The following CDK13 variants were observed in gnomAD, a reference collection of about 807,000 sequenced individuals.
CDK13 encodes cyclin-dependent kinase 13.
In CDK13, 40 loss-of-function variants were observed where a neutral mutation model predicts 137.6. The observed-to-expected ratio is 0.29, with a 90% confidence interval of 0.23 to 0.38. The LOEUF (loss-of-function observed/expected upper bound fraction) is 0.38. Ranked by LOEUF, CDK13 falls within the 10% of genes least tolerant of loss-of-function variation. The probability of loss-of-function intolerance (pLI) is 1.00; values close to 1 mark genes in which losing one functional copy is unlikely to be tolerated. For synonymous variants in CDK13, 869 were observed against 760.1 expected (o/e 1.14, Z -2.36); for missense variants, 1,704 against 1,951.8 (o/e 0.87, Z 2.39).
intron 4 of CDK13, among the ~76,000 whole-genome samples, chr7:40,000,654 A>G (rs1317072942): frequency 6.6e-6 from 1 of 152,256 alleles, no homozygotes; most frequent in African/African-American, 2.4e-5. Flanking sequence ...TAGAGTAATA[A>G]TTGGTGTTTA....
At chr7:39,992,166 GTGTGTGTGTGT>G (rs1784474471) in intron 2 of CDK13, among the ~76,000 whole-genome samples, 24 of 47,180 alleles carry the variant, frequency 5.1e-4, no homozygotes, top group African/African-American at 7.7e-4. Context: ...TAATGAGGGT[GTGTGTGTGTGT>G]GTGTGTGTGT....
rs78911572 is a variant in CDK13 at position 40,028,058 on chromosome 7, A to G, written c.2354-17778A>G. On this transcript the variant is annotated intron_variant, in intron 5 of 13. Transcript: ENST00000181839. ...CATTGGGTTTTCTGTCACTTGCAAG[A>G]GTGACATTCCAAGTAAATAAGTATG... is the stretch of plus-strand genomic sequence containing the variant. 3.2e-4 allele frequency among the ~76,000 whole-genome samples: 48 copies of G among 150,500 alleles called. No homozygotes were observed. In the East Asian group the frequency reaches 9.2e-3, roughly 29 times the overall value.
intron 1 of CDK13, among the ~76,000 whole-genome samples, chr7:39,955,082 T>G (rs1201343668): frequency 2.0e-5 from 3 of 152,228 alleles, no homozygotes; most frequent in Non-Finnish European, 2.9e-5. Flanking sequence ...ATAATCTGTT[T>G]GCCGTATTTT....
chr7:39,981,608 A>T (rs999237513), intron 1 of CDK13, among the ~76,000 whole-genome samples: 2 of 152,138 alleles, frequency 1.3e-5, no homozygotes, highest in African/African-American at 2.4e-5. Context: ...CAGTAAATAT[A>T]TTTTTGGAAT....
At chr7:39,973,698 A>C (rs1452593338) in intron 1 of CDK13, among the ~76,000 whole-genome samples, 2 of 152,132 alleles carry the variant, frequency 1.3e-5, no homozygotes, top group Non-Finnish European at 2.9e-5. Flanking sequence ...GATTTTCTGC[A>C]TTTTCTTCTA....
intron 5 of CDK13, among the ~76,000 whole-genome samples, chr7:40,038,806 T>C (rs1452356471): frequency 2.0e-5 from 3 of 152,046 alleles, no homozygotes; most frequent in Admixed American, 6.6e-5. Context: ...AGCGATTCTC[T>C]TGTCTCAGCC....
chr7:40,078,023 A>G lies in CDK13; in HGVS notation c.2799A>G (p.Pro933=), dbSNP rs1429013155. Residue 933 remains proline, a synonymous_variant, in exon 10 of 14, where the codon CCA becomes CCG. Coordinates refer to ENST00000181839, the MANE Select transcript of CDK13 (RefSeq NM_003718.5). ...TGCTTAGCCGAATATGTGGGAGTCC[A>G]TGTCCTGCAGTGTGGCCTGATGTAA... ...LELISRICGS[P]CPAVWPDVIK... The G allele has an allele frequency of 6.4e-7, 1 of 1,566,890 alleles. No individual in the cohort carries two copies. Among genetic ancestry groups the G allele is most frequent in the East Asian group, 2.4e-5 (1 of 42,004 alleles).
At chr7:40,031,140 T>C (rs1785369355) in intron 5 of CDK13, among the ~76,000 whole-genome samples, 1 of 152,204 alleles carries the variant, frequency 6.6e-6, no homozygotes, top group Non-Finnish European at 1.5e-5. Flanking sequence ...TTACCAGCAT[T>C]TGGTGTTGTC....
At chr7:40,002,886 G>A (rs1269101469) in intron 5 of CDK13, among the ~76,000 whole-genome samples, 1 of 140,892 alleles carries the variant, frequency 7.1e-6, no homozygotes, top group Non-Finnish European at 1.5e-5. Flanking sequence ...GTAACATAAC[G>A]AGAGCCCATC....
chr7:39,986,418 G>A (rs1170288017), intron 1 of CDK13: 3 of 152,148 alleles, frequency 2.0e-5, no homozygotes, highest in African/African-American at 7.2e-5. Context: ...TTATTATCAA[G>A]TAGTTTCCAA....
At chr7:40,053,328 C>T (rs1401007614) in intron 7 of CDK13, among the ~76,000 whole-genome samples, 1 of 152,194 alleles carries the variant, frequency 6.6e-6, no homozygotes, top group Non-Finnish European at 1.5e-5. Flanking sequence ...AGAAAAATGT[C>T]TACTCCTTTT....
chr7:40,003,980 T>A (rs1445755517), intron 5 of CDK13, among the ~76,000 whole-genome samples: 2 of 152,220 alleles, frequency 1.3e-5, no homozygotes, highest in Non-Finnish European at 2.9e-5. Context: ...TGGGAATAAT[T>A]ATAATGGTTT....
intron 5 of CDK13, among the ~76,000 whole-genome samples, chr7:40,043,093 T>C (rs1031568376): frequency 6.6e-6 from 1 of 151,916 alleles, no homozygotes; most frequent in Non-Finnish European, 1.5e-5. Flanking sequence ...TTGCCTTTTA[T>C]CTCTCTTCCA....
intron 5 of CDK13, among the ~76,000 whole-genome samples, chr7:40,027,797 T>G (rs1275977116): frequency 6.6e-6 from 1 of 151,914 alleles, no homozygotes; most frequent in African/African-American, 2.4e-5. Context: ...AGGTTGAGAC[T>G]TAACGCTGAG....
intron 12 of CDK13, 70 bp downstream of exon 12, chr7:40,088,401 A>T: frequency 8.7e-7 from 1 of 1,156,038 alleles, no homozygotes; most frequent in Non-Finnish European, 1.3e-6. Flanking sequence ...TATTGCTCTA[A>T]TGTTAAAGCA....
Position 39,987,911 on chromosome 7 carries a change from A to G in CDK13, c.1524A>G (p.Gln508=). Reference sequence around the variant, plus strand: ...CGGAAACTAGTGCCAGTGCATCACAAACAAACCATGTGAAGGATGTGAAGA... The same window carrying G: ...CGGAAACTAGTGCCAGTGCATCACAGACAAACCATGTGAAGGATGTGAAGA... The part of the protein sequence containing the change: ...GNTETSASAS[Q]TNHVKDVKKI... Residue 508 remains glutamine, a synonymous_variant, in exon 2 of 14, where the codon CAA becomes CAG. Transcript: ENST00000181839. 10 of 1,614,212 alleles carry G rather than the reference A, an allele frequency of 6.2e-6. No individual in the cohort carries two copies. The highest frequency in any genetic ancestry group is 8.5e-6 in the Non-Finnish European group (10 of 1,179,992).
In CDK13 at chr7:40,095,562, C is replaced by T. The variant is rs529384553; in HGVS notation, c.*582C>T. 6 of 149,184 alleles carry T rather than the reference C, an allele frequency of 4.0e-5. No homozygotes were observed. Among genetic ancestry groups the T allele is most frequent in the Admixed American group, 4.0e-4 (6 of 15,024 alleles). The allele number at this position is 149,184 out of a possible 1,614,324, so 9.2% of individuals were successfully genotyped here. ...ACAGTTTTATAAAAAAAAAAATGGT[C>T]AACGTTATTTTTGTTTTGTTTTGCA... On this transcript the variant is annotated 3_prime_UTR_variant, in exon 14 of 14. Transcript: ENST00000181839.
Position 40,099,268 on chromosome 7 carries a change from G to A in CDK13, c.*4288G>A, listed in dbSNP as rs1008534985. 3.3e-5 allele frequency: 5 copies of A among 152,118 alleles called. No individual in the cohort carries two copies. Among genetic ancestry groups the A allele is most frequent in the African/African-American group, 1.2e-4 (5 of 41,432 alleles). The allele number at this position is 152,118 out of a possible 1,614,324, so 9.4% of individuals were successfully genotyped here. On this transcript the variant is annotated 3_prime_UTR_variant, in exon 14 of 14. Transcript: ENST00000181839. ...AAATAGAAAATTTTTATTGTAAAGG[G>A]AAGAACTTATCCTTTTAATTTTATG...
intron 5 of CDK13, among the ~76,000 whole-genome samples, chr7:40,043,661 TAAAAC>T (rs1330320549): frequency 1.3e-5 from 2 of 151,768 alleles, no homozygotes; most frequent in African/African-American, 4.8e-5. Flanking sequence ...CTACCAGAAA[TAAAAC>T]AAACAGAAAA....
Sources: allele counts gnomAD v4.1 joint callset (sites outside exome capture counted in the v4.1 genomes callset), GRCh38; gene constraint gnomAD v4.1.1; transcripts MANE v1.5; gene names NCBI Gene and HGNC (gene_info 2026-07-23, HGNC 2026-07-21).